LRRC36: variants seen among roughly 807,000 people sequenced by gnomAD.
LRRC36 encodes the protein leucine rich repeat containing 36.
Under a neutral mutation model 81.1 loss-of-function variants are expected in LRRC36, and 62 were observed. The observed-to-expected ratio is 0.76, with a 90% confidence interval of 0.62 to 0.94. The LOEUF (loss-of-function observed/expected upper bound fraction) is 0.94. LRRC36 is among the 40% of genes least tolerant of loss of function. The probability of loss-of-function intolerance (pLI) is 0.00; values close to 1 mark genes in which losing one functional copy is unlikely to be tolerated. For missense variants in LRRC36, 761 were observed against 881.7 expected, an observed-to-expected ratio of 0.86 and a Z score of 1.73; for synonymous variants, 334 against 348.6, an observed-to-expected ratio of 0.96 and a Z score of 0.47.
At chr16:67,331,233 T>C (rs1257017411) in intron 1 of LRRC36, among the ~76,000 whole-genome samples, 2 of 152,188 alleles carry the variant, frequency 1.3e-5, no homozygotes, top group Non-Finnish European at 2.9e-5. Flanking sequence ...GCAGTGCTGT[T>C]ACATTGGCAA....
At chr16:67,349,684 A>G (rs1290887432) in intron 4 of LRRC36, among the ~76,000 whole-genome samples, 2 of 152,154 alleles carry the variant, frequency 1.3e-5, no homozygotes, top group Non-Finnish European at 2.9e-5. Flanking sequence ...AGGCTGAACT[A>G]TAGTGTCCTT....
chr16:67,385,077 G>C lies in LRRC36; in HGVS notation c.2253G>C (p.Glu751Asp), dbSNP rs201713869. The stretch of plus-strand genomic sequence containing the variant: ...AGAGCGTCTTGGATGCTGCCCCAGA[G>C]CCTGGCTTATAGAGCTAGCATGGAA... ...LIQSVLDAAPEPGL is the reference protein window; with the variant it reads ...LIQSVLDAAPDPGL Residue 751 changes from glutamate (E) to aspartate (D), a missense_variant, in exon 14 of 14, where the codon GAG (glutamate) becomes GAC (aspartate). Around this residue, in one of 3 missense-constraint regions of LRRC36, gnomAD observed 359 missense variants for 388.4 expected, o/e 0.92. Transcript: ENST00000329956. 6.2e-7 allele frequency: 1 copy of C among 1,613,694 alleles called. No homozygotes were observed. The highest frequency in any genetic ancestry group is 8.5e-7 in the Non-Finnish European group (1 of 1,179,872).
At chr16:67,350,343 T>C in intron 5 of LRRC36, 53 bp downstream of exon 5, 2 of 1,391,664 alleles carry the variant, frequency 1.4e-6, no homozygotes, top group Non-Finnish European at 2.0e-6. Context: ...TTATCTCAGC[T>C]GCCATAGCCA....
At chr16:67,383,240 A>T (rs892409750) in intron 13 of LRRC36, among the ~76,000 whole-genome samples, 2 of 152,220 alleles carry the variant, frequency 1.3e-5, no homozygotes, top group Admixed American at 6.5e-5. Context: ...TAAGCACTCC[A>T]TCCCCAAACC....
intron 5 of LRRC36, among the ~76,000 whole-genome samples, chr16:67,360,957 C>T (rs1336493031): frequency 6.6e-6 from 1 of 152,168 alleles, no homozygotes; most frequent in Admixed American, 6.5e-5. Flanking sequence ...CCCAGAAGAC[C>T]TCAAATCCCA....
At chr16:67,381,834 G>A (rs558281680) in intron 12 of LRRC36, among the ~76,000 whole-genome samples, 24 of 152,248 alleles carry the variant, frequency 1.6e-4, no homozygotes, top group Non-Finnish European at 3.2e-4. Context: ...GGCCAGGCTG[G>A]TCCTGAACTC....
intron 1 of LRRC36, among the ~76,000 whole-genome samples, chr16:67,335,842 C>T (rs562155399): frequency 4.6e-5 from 7 of 152,176 alleles, no homozygotes; most frequent in African/African-American, 1.4e-4. Flanking sequence ...AAGCGATTCT[C>T]CTGCCTCAGC....
rs145845834 is a variant in LRRC36, at chr16:67,362,320, G to A, written c.578-1270G>A. 692 of 328,880 alleles carry A rather than the reference G, an allele frequency of 2.1e-3. 6 individuals are homozygous for A. Among genetic ancestry groups the A allele is most frequent in the Middle Eastern group, 5.3e-3 (5 of 948 alleles). 20.4% of individuals were successfully genotyped at this position (328,880 alleles called of 1,614,324 possible). ...TGGGATTACAGGTGTGCACCATAAC[G>A]CCCAGCTAATTTTTGTATTTTTAGT... On this transcript the variant is annotated intron_variant, in intron 5 of 13. Coordinates refer to ENST00000329956, the MANE Select transcript of LRRC36 (RefSeq NM_018296.6).
At chr16:67,361,890 T>C (rs1445163653) in intron 5 of LRRC36, among the ~76,000 whole-genome samples, 1 of 152,044 alleles carries the variant, frequency 6.6e-6, no homozygotes, top group Admixed American at 6.5e-5. Context: ...TTAATGAAAA[T>C]GGAACACTAT....
In LRRC36 at chr16:67,382,166, T is replaced by C; in HGVS notation, c.1964T>C (p.Met655Thr). 1.2e-6 allele frequency: 2 copies of C among 1,614,114 alleles called. No individual in the cohort carries two copies. Among genetic ancestry groups the C allele is most frequent in the Non-Finnish European group, 1.7e-6 (2 of 1,179,996 alleles). The change falls in exon 13 of 14, where the codon ATG (methionine) becomes ACG (threonine). Residue 655 changes from methionine (M) to threonine (T), a missense_variant. Physicochemically the swap from Met to Thr is moderately conservative, Grantham distance 81. This residue lies in a region of LRRC36 where 359 missense variants were observed against 388.4 expected (regional missense o/e 0.92). Transcript: ENST00000329956. ...CTGCACAAAAACCAACAGCTGACCA[T>C]GCAGGTGGCTTGCCTGAACCAGGAG... Reference protein sequence around the residue: ...DLLHKNQQLTMQVACLNQELA... With the variant: ...DLLHKNQQLTTQVACLNQELA...
At chr16:67,345,877 G>T (rs2038322815) in intron 2 of LRRC36, among the ~76,000 whole-genome samples, 1 of 151,908 alleles carries the variant, frequency 6.6e-6, no homozygotes, top group Admixed American at 6.6e-5. Context: ...GGGATCAGGA[G>T]AGGGGTTGGG....
rs780888898 is a variant in LRRC36, at chr16:67,347,472, C to T, written c.392-23C>T. ...TCTATGCCAAAAAAAGAAACATGCTCAGACCACGGTTTTTGCCTCCAGATG... is the reference window on the plus strand; with the variant it reads ...TCTATGCCAAAAAAAGAAACATGCTTAGACCACGGTTTTTGCCTCCAGATG... On this transcript the variant is annotated intron_variant, in intron 3 of 13. Transcript: ENST00000329956. 2.5e-6 allele frequency: 4 copies of T among 1,612,030 alleles called. No homozygotes were observed. The East Asian group carries it at 6.7e-5, about 27-fold the overall frequency.
At position 67,365,360 on chromosome 16, in the gene LRRC36, A is replaced by G. The variant is rs377657330; in HGVS notation, c.754+5A>G. 18 of 1,612,880 alleles carry G rather than the reference A, an allele frequency of 1.1e-5. No homozygotes were observed. Among genetic ancestry groups the G allele is most frequent in the Middle Eastern group, 3.3e-4 (2 of 6,058 alleles). ...GTGACAATCACCAGGAAGATGGTAA[A>G]TATTTTGCTCACTGAGTATTTTTCC... On this transcript the variant is annotated splice_donor_5th_base_variant and intron_variant, in intron 7 of 13. Transcript: ENST00000329956.
At chr16:67,356,169 T>C (rs1286077655) in intron 5 of LRRC36, among the ~76,000 whole-genome samples, 1 of 152,198 alleles carries the variant, frequency 6.6e-6, no homozygotes, top group Non-Finnish European at 1.5e-5. Context: ...AATATACTGA[T>C]CTAATATCTT....
At chr16:67,341,865 T>G in intron 1 of LRRC36, 92 bp from the exon 2 acceptor site, 9 of 1,004,490 alleles carry the variant, frequency 9.0e-6, no homozygotes, top group East Asian at 5.0e-5. Flanking sequence ...CTTGCACAGT[T>G]GAGATATGGG....
chr16:67,354,117 C>T (rs1012436050), intron 5 of LRRC36, among the ~76,000 whole-genome samples: 1 of 152,106 alleles, frequency 6.6e-6, no homozygotes, highest in African/African-American at 2.4e-5. Flanking sequence ...TTGTCAACTA[C>T]AATGTCCAAT....
chr16:67,361,313 C>T (rs924081578), intron 5 of LRRC36, among the ~76,000 whole-genome samples: 2 of 151,716 alleles, frequency 1.3e-5, no homozygotes, highest in African/African-American at 4.8e-5. Context: ...ATTACAGACA[C>T]GAGCCACTGT....
chr16:67,382,040 C>A, intron 12 of LRRC36, 93 bp from the exon 13 acceptor site: 2 of 826,924 alleles, frequency 2.4e-6, no homozygotes, highest in Middle Eastern at 2.3e-4. Flanking sequence ...ATGGGGCCCC[C>A]AGTTCTCAAG....
intron 2 of LRRC36, among the ~76,000 whole-genome samples, chr16:67,345,769 T>TAC (rs556425215): frequency 0.012 from 1,804 of 150,672 alleles, 20 homozygotes; most frequent in Non-Finnish European, 0.018. Context: ...CACACACACA[T>TAC]ACACACACAC....
Sources: gnomAD v4.1 joint callset for allele counts (sites outside exome capture counted in the v4.1 genomes callset) on GRCh38, gnomAD v4.1.1 for gene constraint, gnomAD v4.1.1 regional missense constraint, MANE v1.5 for transcripts, NCBI Gene and HGNC (gene_info 2026-07-23, HGNC 2026-07-21) for gene names.